The following CCNY variants were observed in gnomAD, a reference collection of about 807,000 sequenced individuals.
The protein encoded by CCNY is cyclin Y.
In CCNY, 19 loss-of-function variants were observed where a neutral mutation model predicts 42.8. The ratio of observed to expected loss-of-function variants is 0.44; its 90% confidence interval spans 0.31 to 0.65. The LOEUF is 0.65. Among genes scored for constraint, CCNY ranks in the 30% least tolerant of loss-of-function variants. The probability of loss-of-function intolerance (pLI) is 0.07; values close to 1 mark genes in which losing one functional copy is unlikely to be tolerated. For missense variants in CCNY, 370 were observed against 437.3 expected (o/e 0.85, Z 1.37); for synonymous variants, 165 against 162.7 (o/e 1.01, Z -0.11).
intron 1 of CCNY, among the ~76,000 whole-genome samples, chr10:35,379,290 GC>G (rs963972486): frequency 6.6e-6 from 1 of 152,104 alleles, no homozygotes; most frequent in Admixed American, 6.6e-5. Context: ...TTCCTTCCCT[GC>G]CCCCCTGGAC....
intron 1 of CCNY, among the ~76,000 whole-genome samples, chr10:35,346,136 G>C (rs976667440): frequency 6.6e-6 from 1 of 152,138 alleles, no homozygotes; most frequent in African/African-American, 2.4e-5. Context: ...TTTTAATAAA[G>C]GGTAGTTGGT....
intron 1 of CCNY, among the ~76,000 whole-genome samples, chr10:35,405,688 G>A (rs1428420032): frequency 6.6e-6 from 1 of 152,144 alleles, no homozygotes; most frequent in Non-Finnish European, 1.5e-5. Flanking sequence ...TTAAGAAGGG[G>A]ACGGATTTAC....
In CCNY at chr10:35,280,158, C is replaced by T. The variant is rs564643908; in HGVS notation, c.-9+29532C>T. ...CTTGGGCTACATGATGAAACCTTGTCTCTACAAAAAATACAAAAATTAGCC... is the reference window on the plus strand; with the variant it reads ...CTTGGGCTACATGATGAAACCTTGTTTCTACAAAAAATACAAAAATTAGCC... On this transcript the variant is annotated intron_variant, in intron 3 of 11. Transcript: ENST00000374706. 2.6e-5 allele frequency among the ~76,000 whole-genome samples: 4 copies of T among 152,206 alleles called. No individual in the cohort carries two copies. The South Asian group carries it at 8.3e-4, about 32-fold the overall frequency.
intron 1 of CCNY, among the ~76,000 whole-genome samples, chr10:35,362,774 A>G (rs1237659173): frequency 6.7e-6 from 1 of 149,210 alleles, no homozygotes; most frequent in East Asian, 2.0e-4. Context: ...ATCACATCCC[A>G]GAGGGTGTGG....
chr10:35,343,081 C>T (rs987178296), intron 1 of CCNY, among the ~76,000 whole-genome samples: 14 of 150,340 alleles, frequency 9.3e-5, no homozygotes, highest in Non-Finnish European at 1.8e-4. Context: ...TGGCTCACTG[C>T]AACCTCTGCC....
chr10:35,336,782 CCCG>C lies in CCNY; in HGVS notation c.-271_-269del, dbSNP rs1836042655. The C allele has an allele frequency of 6.8e-6, 1 of 147,124 alleles. No homozygotes were observed. Among genetic ancestry groups the C allele is most frequent in the Non-Finnish European group, 1.5e-5 (1 of 65,992 alleles). 9.1% of individuals were successfully genotyped at this position (147,124 alleles called of 1,614,324 possible). A position where few individuals can be genotyped will look rare whatever the true frequency, so the allele number is the denominator to read the frequency against. ...GGCGCGGCGGCCGCAGTCGCGCGGACCCGAGCGCTCCTCCGCCGCGGATAGGCC... is the reference window on the plus strand; with the variant it reads ...GGCGCGGCGGCCGCAGTCGCGCGGACAGCGCTCCTCCGCCGCGGATAGGCC... On this transcript the variant is annotated 5_prime_UTR_variant, in exon 1 of 10. Transcript: ENST00000374704.
In CCNY at chr10:35,305,366, A is replaced by G. The variant is rs1835594447; in HGVS notation, c.-9+54740A>G. On this transcript the variant is annotated intron_variant, in intron 3 of 11. Coordinates refer to the CCNY transcript ENST00000374706. The stretch of plus-strand genomic sequence containing the variant: ...TGTGGAGTGATGTTCCTTCAAGTCT[A>G]GAGGATGCTGCATGAAATCAGCTTC... Among the ~76,000 whole-genome samples, 3 of 152,216 alleles carry G rather than the reference A, an allele frequency of 2.0e-5. No individual in the cohort carries two copies. In the South Asian group the frequency reaches 6.2e-4, roughly 32 times the overall value.
chr10:35,265,531 C>T (rs1258312738), intron 3 of CCNY, among the ~76,000 whole-genome samples: 1 of 152,218 alleles, frequency 6.6e-6, no homozygotes, highest in Non-Finnish European at 1.5e-5. Flanking sequence ...AGGCCTCTTG[C>T]CTGCAGTGAG....
chr10:35,337,732 G>GT (rs3215622), intron 1 of CCNY, among the ~76,000 whole-genome samples: 2 of 151,756 alleles, frequency 1.3e-5, no homozygotes, highest in East Asian at 1.9e-4. Flanking sequence ...CCATTCTACC[G>GT]TTTTTTTTAA....
At chr10:35,461,104 T>G (rs1408431593) in intron 1 of CCNY, among the ~76,000 whole-genome samples, 1 of 152,214 alleles carries the variant, frequency 6.6e-6, no homozygotes, top group African/African-American at 2.4e-5. Context: ...GAAGGTCTCC[T>G]GTTTATGGAA....
At position 35,297,150 on chromosome 10, in the gene CCNY, C is replaced by G. The variant is rs116720353; in HGVS notation, c.-9+46524C>G. ...TGGGATGCAAGGCTAGTTCAATACACAAATAAAAAAAGAAAAAATATATAC... is the reference window on the plus strand; with the variant it reads ...TGGGATGCAAGGCTAGTTCAATACAGAAATAAAAAAAGAAAAAATATATAC... On this transcript the variant is annotated intron_variant, in intron 3 of 11. Coordinates refer to the CCNY transcript ENST00000374706. 7.1e-3 allele frequency among the ~76,000 whole-genome samples: 1,025 copies of G among 144,946 alleles called. 11 individuals are homozygous for G. The highest frequency in any genetic ancestry group is 0.025 in the African/African-American group (980 of 39,242).
chr10:35,554,331 T>G (rs2135452592), intron 8 of CCNY, among the ~76,000 whole-genome samples: 1 of 152,342 alleles, frequency 6.6e-6, no homozygotes, highest in African/African-American at 2.4e-5. Context: ...GCAGAGCCTA[T>G]TCCTGCTGCA....
chr10:35,456,388 G>A (rs1026397182), intron 1 of CCNY, among the ~76,000 whole-genome samples: 6 of 152,102 alleles, frequency 3.9e-5, no homozygotes, highest in African/African-American at 1.4e-4. Flanking sequence ...CTGTATAAGT[G>A]AAATGGATTG....
intron 1 of CCNY, among the ~76,000 whole-genome samples, chr10:35,442,673 A>G (rs562656161): frequency 6.6e-6 from 1 of 152,326 alleles, no homozygotes; most frequent in African/African-American, 2.4e-5. Context: ...CATATAGAGT[A>G]TGAGTAATGA....
chr10:35,421,803 T>C (rs998703793), intron 1 of CCNY, among the ~76,000 whole-genome samples: 2 of 152,208 alleles, frequency 1.3e-5, no homozygotes, highest in African/African-American at 4.8e-5. Context: ...TAGATCTGAA[T>C]CTAGTCATTC....
intron 1 of CCNY, among the ~76,000 whole-genome samples, chr10:35,387,623 C>T (rs1224612892): frequency 6.6e-6 from 1 of 152,174 alleles, no homozygotes; most frequent in East Asian, 1.9e-4. Context: ...TGCATGTGTT[C>T]TGAAAAGTGC....
intron 3 of CCNY, among the ~76,000 whole-genome samples, chr10:35,322,705 T>C (rs1458084057): frequency 6.6e-6 from 1 of 152,236 alleles, no homozygotes; most frequent in Non-Finnish European, 1.5e-5. Flanking sequence ...TTTACAAAGA[T>C]ATATTAGTAT....
chr10:35,422,627 G>A (rs571537663), intron 1 of CCNY, among the ~76,000 whole-genome samples: 62 of 152,314 alleles, frequency 4.1e-4, no homozygotes, highest in African/African-American at 1.5e-3. Flanking sequence ...CATTTAGTCA[G>A]TTAATTCTGG....
At chr10:35,264,739 C>A (rs2095723323) in intron 3 of CCNY, among the ~76,000 whole-genome samples, 1 of 152,116 alleles carries the variant, frequency 6.6e-6, no homozygotes, top group Non-Finnish European at 1.5e-5. Flanking sequence ...ACTGCAACCT[C>A]AGCCTCCCAG....
Sources: allele counts gnomAD v4.1 joint callset (sites outside exome capture counted in the v4.1 genomes callset), GRCh38; gene constraint gnomAD v4.1.1; transcripts MANE v1.5; gene names NCBI Gene and HGNC (gene_info 2026-07-23, HGNC 2026-07-21).